Variants in GAS7 observed in about 807,000 individuals in gnomAD.
GAS7 encodes growth arrest-specific protein 7.
GAS7 carries 28 observed loss-of-function variants against 71.1 expected under a neutral mutation model. The ratio of observed to expected loss-of-function variants is 0.39; its 90% confidence interval spans 0.29 to 0.54. GAS7 has a LOEUF of 0.54. GAS7 is among the 20% of genes least tolerant of loss of function. The pLI is 0.62. For missense variants in GAS7, 436 were observed against 627.8 expected (o/e 0.69, Z 3.27); for synonymous variants, 258 against 245.8 (o/e 1.05, Z -0.46).
intron 2 of GAS7, among the ~76,000 whole-genome samples, chr17:10,010,677 T>G (rs949048773): frequency 1.3e-5 from 2 of 152,196 alleles, no homozygotes; most frequent in African/African-American, 4.8e-5. Flanking sequence ...CTCACCTACC[T>G]TAGACGTGCC....
At chr17:10,076,162 G>GGGGAAA (rs199617050) in intron 1 of GAS7, among the ~76,000 whole-genome samples, 2 of 128,686 alleles carry the variant, frequency 1.6e-5, no homozygotes, top group East Asian at 2.5e-4. Flanking sequence ...GGAAAGGGAA[G>GGGGAAA]GGGAAAGGGA....
At position 9,914,925 on chromosome 17, in the gene GAS7, C is replaced by T; in HGVS notation, c.*2303G>A. ...TGCCTATGTATCAATGCCAAGGTTG[C>T]TGACCGGTAAGACCCCTGAAAACGA... On this transcript the variant is annotated 3_prime_UTR_variant, in exon 14 of 14. Coordinates refer to ENST00000432992, the MANE Select transcript of GAS7 (RefSeq NM_201433.2). 1 of 232,348 alleles carries T rather than the reference C, an allele frequency of 4.3e-6. No individual in the cohort carries two copies. The highest frequency in any genetic ancestry group is 6.1e-5 in the East Asian group (1 of 16,466). 14.4% of individuals were successfully genotyped at this position (232,348 alleles called of 1,614,324 possible).
At chr17:10,125,795 A>G (rs1410364538) in intron 1 of GAS7, among the ~76,000 whole-genome samples, 5 of 152,054 alleles carry the variant, frequency 3.3e-5, no homozygotes, top group Admixed American at 2.0e-4. Context: ...AGGATGATGA[A>G]AACATCCGGA....
In GAS7 at chr17:9,938,692, A is replaced by C. The variant is rs1034353516; in HGVS notation, c.806+1434T>G. On this transcript the variant is annotated intron_variant, in intron 8 of 13. Coordinates refer to ENST00000432992, the MANE Select transcript of GAS7 (RefSeq NM_201433.2). ...TAAATGTCTGTAGTTTCAGCCACCCAGTCTGGGACATCTTGTGGCAGCCCA... is the reference window on the plus strand; with the variant it reads ...TAAATGTCTGTAGTTTCAGCCACCCCGTCTGGGACATCTTGTGGCAGCCCA... Among the ~76,000 whole-genome samples the C allele has an allele frequency of 2.0e-5, 3 of 151,998 alleles. No individual in the cohort carries two copies. In the East Asian group the frequency reaches 5.8e-4, roughly 29 times the overall value.
At chr17:10,177,825 T>A (rs1267796549) in intron 1 of GAS7, among the ~76,000 whole-genome samples, 1 of 152,188 alleles carries the variant, frequency 6.6e-6, no homozygotes, top group East Asian at 1.9e-4. Context: ...TTACACCTTC[T>A]ACTGCTTCTC....
At chr17:9,986,007 A>G (rs1057461483) in intron 2 of GAS7, among the ~76,000 whole-genome samples, 2 of 152,226 alleles carry the variant, frequency 1.3e-5, no homozygotes, top group Non-Finnish European at 2.9e-5. Flanking sequence ...TTTTCTAGGA[A>G]ATCAGCACTT....
chr17:9,987,543 T>C (rs1030434364), intron 2 of GAS7, among the ~76,000 whole-genome samples: 6 of 152,226 alleles, frequency 3.9e-5, no homozygotes, highest in Non-Finnish European at 7.3e-5. Context: ...TCCCAGCTAC[T>C]TGGGAGGCTG....
At chr17:10,095,801 CAAA>C (rs58811317) in intron 1 of GAS7, among the ~76,000 whole-genome samples, 3 of 110,104 alleles carry the variant, frequency 2.7e-5, no homozygotes, top group Admixed American at 1.0e-4. Flanking sequence ...GACTCCATCT[CAAA>C]AAAAAAAAAA....
In GAS7 at chr17:9,911,426, T is replaced by C. The variant is rs561822019; in HGVS notation, c.*5802A>G. 2.2e-5 allele frequency: 5 copies of C among 232,486 alleles called. No homozygotes were observed. The highest frequency in any genetic ancestry group is 1.1e-4 in the African/African-American group (5 of 45,020). 14.4% of individuals were successfully genotyped at this position (232,486 alleles called of 1,614,324 possible). A position where few individuals can be genotyped will look rare whatever the true frequency, so the allele number is the denominator to read the frequency against. ...CACTGCAATCCCACTAAAGTTTCCC[T>C]CAAACACCAAGGAACAGTCCTGAAC... On this transcript the variant is annotated 3_prime_UTR_variant, in exon 14 of 14. Transcript: ENST00000432992. The surrounding 1 kb of genome is among the most constrained non-coding windows in gnomAD (Gnocchi z 4.0).
chr17:9,974,498 C>A lies in GAS7; in HGVS notation c.386-4736G>T, dbSNP rs2070106178. Among the ~76,000 whole-genome samples, 2 of 151,430 alleles carry A rather than the reference C, an allele frequency of 1.3e-5. No individual in the cohort carries two copies. Among genetic ancestry groups the A allele is most frequent in the African/African-American group, 4.9e-5 (2 of 41,096 alleles). ...GATCGCTCATAAAGGGAACATAATT[C>A]AGTCTGGAGATACAAGGAAAAAAAA... On this transcript the variant is annotated intron_variant, in intron 3 of 13. Transcript: ENST00000432992. This position sits in a 1 kb window ranked among gnomAD's most constrained non-coding sequence, Gnocchi z 4.0.
intron 1 of GAS7, among the ~76,000 whole-genome samples, chr17:10,097,683 C>T (rs1048242699): frequency 6.6e-6 from 1 of 152,134 alleles, no homozygotes; most frequent in African/African-American, 2.4e-5. Context: ...GCAGGTATGG[C>T]AGGCACGACA....
chr17:10,071,939 GAAAAAA>G (rs57043066), intron 1 of GAS7, among the ~76,000 whole-genome samples: 1 of 121,274 alleles, frequency 8.2e-6, no homozygotes, highest in Admixed American at 8.6e-5. Flanking sequence ...TCCATCTCAA[GAAAAAA>G]AAAAAAAAGA....
intron 1 of GAS7, among the ~76,000 whole-genome samples, chr17:10,145,270 G>T (rs9893330): frequency 0.03 from 4,514 of 152,330 alleles, 205 homozygotes; most frequent in African/African-American, 0.1. Flanking sequence ...CAAAAGGAAA[G>T]AAAACACTCT....
intron 8 of GAS7, among the ~76,000 whole-genome samples, chr17:9,935,945 A>ACT (rs1254465557): frequency 2.4e-4 from 37 of 152,234 alleles, no homozygotes; most frequent in African/African-American, 8.7e-4. Context: ...GGGTGGCAGG[A>ACT]GTAGTCCTGG....
chr17:10,057,442 C>A (rs1312641493), intron 1 of GAS7, among the ~76,000 whole-genome samples: 1 of 151,822 alleles, frequency 6.6e-6, no homozygotes, highest in Non-Finnish European at 1.5e-5. Context: ...TCTGCCGGGC[C>A]GCGACCCCGT....
At chr17:10,076,509 T>C (rs1187143143) in intron 1 of GAS7, among the ~76,000 whole-genome samples, 1 of 151,188 alleles carries the variant, frequency 6.6e-6, no homozygotes, top group Non-Finnish European at 1.5e-5. Context: ...AGAAAAGAGA[T>C]TGCAAAGGAA....
At chr17:10,091,940 T>C (rs1470471658) in intron 1 of GAS7, among the ~76,000 whole-genome samples, 1 of 150,436 alleles carries the variant, frequency 6.6e-6, no homozygotes, top group Non-Finnish European at 1.5e-5. Flanking sequence ...CATGAAACTT[T>C]TTGTGTCATA....
At chr17:10,168,609 C>T (rs2074312321) in intron 1 of GAS7, among the ~76,000 whole-genome samples, 1 of 152,146 alleles carries the variant, frequency 6.6e-6, no homozygotes, top group African/African-American at 2.4e-5. Context: ...CCATTTCTTC[C>T]CCCTGCAGGG....
chr17:10,062,179 G>C (rs1379725933), intron 1 of GAS7, among the ~76,000 whole-genome samples: 1 of 152,188 alleles, frequency 6.6e-6, no homozygotes, highest in African/African-American at 2.4e-5. Flanking sequence ...TACCATTCTG[G>C]TAATTACTTT....
Sources: gnomAD v4.1 joint callset for allele counts (sites outside exome capture counted in the v4.1 genomes callset) on GRCh38, gnomAD v4.1.1 for gene constraint, Gnocchi (gnomAD v3.1) non-coding constraint, MANE v1.5 for transcripts, NCBI Gene and HGNC (gene_info 2026-07-23, HGNC 2026-07-21) for gene names.